Variants in AGMO observed in about 807,000 individuals in gnomAD.
AGMO encodes alkylglycerol monooxygenase.
Under a neutral mutation model 60.2 loss-of-function variants are expected in AGMO, and 75 were observed. That is an observed-to-expected ratio of 1.25 (90% CI 1.03 to 1.51). The LOEUF (loss-of-function observed/expected upper bound fraction) is 1.51, where lower values mean the gene tolerates loss of function less well. Among genes scored for constraint, AGMO ranks in the 40% most tolerant of loss-of-function variants. The pLI, the probability that AGMO is intolerant of heterozygous loss-of-function variation, is 0.00. For synonymous variants in AGMO, 261 were observed against 177.1 expected, an observed-to-expected ratio of 1.47 and a Z score of -3.76; for missense variants, 763 against 525.5, an observed-to-expected ratio of 1.45 and a Z score of -4.42.
chr7:15,534,620 A>T (rs1784444048), intron 3 of AGMO, among the ~76,000 whole-genome samples: 1 of 151,928 alleles, frequency 6.6e-6, no homozygotes, highest in Non-Finnish European at 1.5e-5. Flanking sequence ...GACAAAGATA[A>T]TTCCATTACA....
intron 8 of AGMO, among the ~76,000 whole-genome samples, chr7:15,389,385 G>T (rs1415299606): frequency 6.6e-6 from 1 of 152,042 alleles, no homozygotes; most frequent in African/African-American, 2.4e-5. Flanking sequence ...TTTCTCAATT[G>T]GTTTTATTTA....
At chr7:15,152,797 A>G in the AGMO span, among the ~76,000 whole-genome samples, 3 of 152,284 alleles carry the variant, frequency 2.0e-5, no homozygotes, top group African/African-American at 4.8e-5. Context: ...CTATGCTGCT[A>G]TAAAGGTGTG....
chr7:15,237,317 C>T (rs1782452810), intron 12 of AGMO, among the ~76,000 whole-genome samples: 1 of 152,094 alleles, frequency 6.6e-6, no homozygotes, highest in South Asian at 2.1e-4. Flanking sequence ...TTCACTAGAA[C>T]AGATGAAAGT....
chr7:15,134,484 G>A, the AGMO span, among the ~76,000 whole-genome samples: 1 of 152,078 alleles, frequency 6.6e-6, no homozygotes, highest in Non-Finnish European at 1.5e-5. Context: ...CCCTGGTGTT[G>A]GTTGTTCCCT....
the AGMO span, among the ~76,000 whole-genome samples, chr7:15,164,350 A>C: frequency 6.6e-6 from 1 of 152,176 alleles, no homozygotes; most frequent in East Asian, 1.9e-4. Context: ...TCATGACTAA[A>C]ATCCCCAAAT....
chr7:15,171,586 T>A, the AGMO span, among the ~76,000 whole-genome samples: 4 of 152,206 alleles, frequency 2.6e-5, no homozygotes, highest in African/African-American at 9.7e-5. Context: ...TCTACTTTCC[T>A]CATTTAGTGA....
chr7:15,526,561 T>C (rs541157014), intron 3 of AGMO, among the ~76,000 whole-genome samples: 1 of 152,306 alleles, frequency 6.6e-6, no homozygotes, highest in East Asian at 1.9e-4. Flanking sequence ...ACCAAAACCG[T>C]AATCCAGCTG....
the AGMO span, among the ~76,000 whole-genome samples, chr7:15,131,068 T>C: frequency 6.6e-6 from 1 of 152,246 alleles, no homozygotes; most frequent in South Asian, 2.1e-4. Flanking sequence ...TGTGTGTGTG[T>C]GTGCATGAAA....
At chr7:15,541,551 C>T (rs1253045640) in intron 3 of AGMO, among the ~76,000 whole-genome samples, 3 of 152,110 alleles carry the variant, frequency 2.0e-5, no homozygotes, top group African/African-American at 7.2e-5. Flanking sequence ...ATTGCCTTTG[C>T]TTGGTGTAAT....
the AGMO span, among the ~76,000 whole-genome samples, chr7:15,155,516 G>A: frequency 2.3e-5 from 3 of 133,158 alleles, no homozygotes; most frequent in Non-Finnish European, 3.1e-5. Context: ...TATTAAAATG[G>A]CTACATCATC....
chr7:15,398,308 A>C (rs768352953), intron 5 of AGMO, among the ~76,000 whole-genome samples: 2 of 152,156 alleles, frequency 1.3e-5, no homozygotes, highest in Non-Finnish European at 2.9e-5. Flanking sequence ...ATTGCGGTGA[A>C]AATCTTTTGC....
rs556352005 is a variant in AGMO, at chr7:15,377,497, C to T, written c.1074+7949G>A. On this transcript the variant is annotated intron_variant, in intron 10 of 12. Coordinates refer to ENST00000342526, the MANE Select transcript of AGMO (RefSeq NM_001004320.2). Reference sequence around the variant, plus strand: ...CAGGAAGCACTCACTCATGCCCAGGCATTCAAATGTTAATGGCCACTATTT... The same window carrying T: ...CAGGAAGCACTCACTCATGCCCAGGTATTCAAATGTTAATGGCCACTATTT... 3.3e-5 allele frequency among the ~76,000 whole-genome samples: 5 copies of T among 152,160 alleles called. No homozygotes were observed. In the East Asian group the frequency reaches 9.6e-4, roughly 29 times the overall value.
the AGMO span, among the ~76,000 whole-genome samples, chr7:15,155,973 T>C: frequency 6.6e-6 from 1 of 152,190 alleles, no homozygotes; most frequent in Non-Finnish European, 1.5e-5. Flanking sequence ...TCTGTCTTTG[T>C]CCTCTAGCCC....
chr7:15,157,017 A>G, the AGMO span, among the ~76,000 whole-genome samples: 1 of 152,220 alleles, frequency 6.6e-6, no homozygotes, highest in Non-Finnish European at 1.5e-5. Flanking sequence ...TCATTAAGAC[A>G]ACAAATAGCA....
intron 12 of AGMO, among the ~76,000 whole-genome samples, chr7:15,339,659 T>C (rs79242632): frequency 0.19 from 29,413 of 152,098 alleles, 3,070 homozygotes; most frequent in Admixed American, 0.24. Flanking sequence ...ATAGACTGTT[T>C]ACAGTATCTT....
At chr7:15,381,352 TAAA>T (rs1041152294) in intron 10 of AGMO, among the ~76,000 whole-genome samples, 4 of 150,658 alleles carry the variant, frequency 2.7e-5, no homozygotes, top group South Asian at 2.1e-4. Flanking sequence ...AGCAATCCCA[TAAA>T]AAAGTGGGCG....
chr7:15,128,428 G>A, the AGMO span, among the ~76,000 whole-genome samples: 3 of 151,996 alleles, frequency 2.0e-5, no homozygotes. Flanking sequence ...TTTATTAGTA[G>A]TCACTTATCA....
chr7:15,204,590 A>G (rs1781391927), intron 12 of AGMO, among the ~76,000 whole-genome samples: 1 of 152,212 alleles, frequency 6.6e-6, no homozygotes, highest in South Asian at 2.1e-4. Flanking sequence ...CTAAATATAA[A>G]GCAGAGGAAG....
intron 12 of AGMO, among the ~76,000 whole-genome samples, chr7:15,343,784 T>A (rs1210542286): frequency 6.6e-6 from 1 of 152,158 alleles, no homozygotes; most frequent in Non-Finnish European, 1.5e-5. Flanking sequence ...CAAAAGTGAT[T>A]TTGAATCACA....
Sources: gnomAD v4.1 joint callset for allele counts (sites outside exome capture counted in the v4.1 genomes callset) on GRCh38, gnomAD v4.1.1 for gene constraint, MANE v1.5 for transcripts, NCBI Gene and HGNC (gene_info 2026-07-23, HGNC 2026-07-21) for gene names.